VAMP7: variants seen among roughly 807,000 people sequenced by gnomAD.
VAMP7 encodes vesicle-associated membrane protein 7.
Under a neutral mutation model 29.6 loss-of-function variants are expected in VAMP7, and 14 were observed. That is an observed-to-expected ratio of 0.47 (90% CI 0.31 to 0.74). The LOEUF (loss-of-function observed/expected upper bound fraction) is 0.74. Among genes scored for constraint, VAMP7 ranks in the 30% least tolerant of loss-of-function variants. The pLI, the probability that VAMP7 is intolerant of heterozygous loss-of-function variation, is 0.05. For missense variants in VAMP7, 223 were observed against 262.4 expected, an observed-to-expected ratio of 0.85 and a Z score of 1.04; for synonymous variants, 95 against 88.1, an observed-to-expected ratio of 1.08 and a Z score of -0.44.
chrX:155,922,044 T>C (rs1175430965), intron 6 of VAMP7, among the ~76,000 whole-genome samples: 2 of 152,094 alleles, frequency 1.3e-5, no homozygotes, highest in Admixed American at 6.5e-5. Flanking sequence ...AAATTTACCC[T>C]TGAGAATATC....
chrX:155,925,918 AG>A (rs2066460705), intron 6 of VAMP7, among the ~76,000 whole-genome samples: 1 of 152,142 alleles, frequency 6.6e-6, no homozygotes, highest in African/African-American at 2.4e-5. Flanking sequence ...TCTCCTCGTA[AG>A]TCTCCATCAG....
intron 2 of VAMP7, among the ~76,000 whole-genome samples, chrX:155,895,272 A>G (rs1221216572): frequency 2.0e-5 from 3 of 152,118 alleles, no homozygotes; most frequent in African/African-American, 7.2e-5. Flanking sequence ...AGCAAAGAAA[A>G]CCATATGGCC....
At position 155,940,583 on chromosome X, in the gene VAMP7, CA is replaced by C. The variant is rs775898726; in HGVS notation, c.594+791del. 1.7e-3 allele frequency among the ~76,000 whole-genome samples: 262 copies of C among 152,270 alleles called. 2 individuals are homozygous for C. The highest frequency in any genetic ancestry group is 6.1e-3 in the African/African-American group (255 of 41,554). On this transcript the variant is annotated intron_variant, in intron 7 of 7. Coordinates refer to ENST00000286448, the MANE Select transcript of VAMP7 (RefSeq NM_005638.6). ...GTCTGGGAGTTTAGGTTGATTTGTG[CA>C]GCTGAATTGTTAAATTCAGAATATA...
Position 155,935,973 on chromosome X carries a change from C to T in VAMP7, c.502-3728C>T, listed in dbSNP as rs776007093. 2.6e-5 allele frequency among the ~76,000 whole-genome samples: 4 copies of T among 152,162 alleles called. No homozygotes were observed. The East Asian group carries it at 7.7e-4, about 29-fold the overall frequency. On this transcript the variant is annotated intron_variant, in intron 6 of 7. Transcript: ENST00000286448. ...AGTTTGTCGGAGGGCCACTCCAGACCCTGTTTGCCTGGGTATCAGCAGCGG... is the reference window on the plus strand; with the variant it reads ...AGTTTGTCGGAGGGCCACTCCAGACTCTGTTTGCCTGGGTATCAGCAGCGG...
At chrX:155,930,912 C>G (rs754255641) in intron 6 of VAMP7, among the ~76,000 whole-genome samples, 2 of 152,052 alleles carry the variant, frequency 1.3e-5, no homozygotes, top group African/African-American at 4.8e-5. Context: ...TTCCTGTGTC[C>G]AGGTGTTCTC....
rs2066776349 is a variant in VAMP7 at position 155,943,440 on chromosome X, AG to A, written c.*1490del. ...ACTTGAACTCTTTTCTTGTTTATCTAGCATAGCACAAACGTTTTTCCAGTCT... is the reference window on the plus strand; with the variant it reads ...ACTTGAACTCTTTTCTTGTTTATCTACATAGCACAAACGTTTTTCCAGTCT... On this transcript the variant is annotated 3_prime_UTR_variant, in exon 8 of 8. Coordinates refer to ENST00000286448, the MANE Select transcript of VAMP7 (RefSeq NM_005638.6). 1 of 152,436 alleles carries A rather than the reference AG, an allele frequency of 6.6e-6. No homozygotes were observed. Among genetic ancestry groups the A allele is most frequent in the African/African-American group, 2.4e-5 (1 of 41,382 alleles). The allele number at this position is 152,436 out of a possible 1,614,324, so 9.4% of individuals were successfully genotyped here.
At position 155,907,277 on chromosome X, in the gene VAMP7, TTTA is replaced by T. The variant is rs768101981; in HGVS notation, c.433+6696_433+6698del. Among the ~76,000 whole-genome samples, 744 of 152,010 alleles carry T rather than the reference TTTA, an allele frequency of 4.9e-3. 6 individuals carry two copies. The highest frequency in any genetic ancestry group is 0.015 in the African/African-American group (640 of 41,522). The stretch of plus-strand genomic sequence containing the variant: ...CATTTTCTTTTATTTATTTATTTAT[TTTA>T]TTATTTTTTTTTATTGATCATTCTT... On this transcript the variant is annotated intron_variant, in intron 5 of 7. Transcript: ENST00000286448.
rs1448474491 is a variant in VAMP7 at position 155,943,758 on chromosome X, G to A, written c.*1807G>A. On this transcript the variant is annotated 3_prime_UTR_variant, in exon 8 of 8. Coordinates refer to ENST00000286448, the MANE Select transcript of VAMP7 (RefSeq NM_005638.6). ...CTGAAGATGTTAATAAAATTTAAGA[G>A]TAATACAATGATTTGCTTGTTTTAG... The A allele has an allele frequency of 1.3e-5, 2 of 152,088 alleles. No homozygotes were observed. The highest frequency in any genetic ancestry group is 2.9e-5 in the Non-Finnish European group (2 of 68,022). 9.4% of individuals were successfully genotyped at this position (152,088 alleles called of 1,614,324 possible).
chrX:155,884,625 G>T (rs891004717), intron 1 of VAMP7, among the ~76,000 whole-genome samples: 1 of 152,176 alleles, frequency 6.6e-6, no homozygotes, highest in Non-Finnish European at 1.5e-5. Context: ...GTTATTTTAG[G>T]TGATTTATTG....
chrX:155,897,730 A>G (rs1602929136), intron 3 of VAMP7, among the ~76,000 whole-genome samples: 1 of 152,086 alleles, frequency 6.6e-6, no homozygotes, highest in Non-Finnish European at 1.5e-5. Context: ...TGTGTGAAAG[A>G]CTCTATGATT....
Position 155,889,449 on chromosome X carries a change from T to C in VAMP7, c.-9-9T>C. ...ATATTCTAAATCTGTGTCTTTTTCC[T>C]TTTGATAGACTGAAGCCATGGCGAT... is the stretch of plus-strand genomic sequence containing the variant. On this transcript the variant is annotated splice_polypyrimidine_tract_variant and intron_variant, in intron 1 of 7. Coordinates refer to ENST00000286448, the MANE Select transcript of VAMP7 (RefSeq NM_005638.6). 2.5e-6 allele frequency: 4 copies of C among 1,610,266 alleles called. No individual in the cohort carries two copies. Among genetic ancestry groups the C allele is most frequent in the Non-Finnish European group, 3.4e-6 (4 of 1,178,480 alleles).
At chrX:155,919,767 T>C (rs752567924) in intron 5 of VAMP7, 46 bp from the exon 6 acceptor site, 52 of 1,530,792 alleles carry the variant, frequency 3.4e-5, no homozygotes, top group Non-Finnish European at 4.6e-5. Flanking sequence ...TTTATTTTAT[T>C]CTACAATGGA....
intron 5 of VAMP7, 51 bp downstream of exon 5, chrX:155,900,638 A>T: frequency 1.3e-6 from 2 of 1,489,564 alleles, no homozygotes; most frequent in Non-Finnish European, 1.8e-6. Flanking sequence ...GATAAAGATT[A>T]CTTGACTGGG....
At chrX:155,912,699 T>C (rs1186603632) in intron 5 of VAMP7, among the ~76,000 whole-genome samples, 1 of 152,182 alleles carries the variant, frequency 6.6e-6, no homozygotes, top group Non-Finnish European at 1.5e-5. Context: ...CTCCTCCTTT[T>C]TTATGGCTGC....
At chrX:155,882,539 A>T (rs1272147929) in intron 1 of VAMP7, among the ~76,000 whole-genome samples, 1 of 152,168 alleles carries the variant, frequency 6.6e-6, no homozygotes. Flanking sequence ...AGCAGTGTTT[A>T]TTCTTCATTC....
intron 5 of VAMP7, among the ~76,000 whole-genome samples, chrX:155,918,370 G>T (rs2066343715): frequency 6.6e-6 from 1 of 152,052 alleles, no homozygotes; most frequent in South Asian, 2.1e-4. Flanking sequence ...AAAAACTCCT[G>T]CAGCTAGCTC....
chrX:155,942,094 T>G lies in VAMP7; in HGVS notation c.*143T>G. 6.4e-7 allele frequency: 1 copy of G among 1,557,284 alleles called. No individual in the cohort carries two copies. Among genetic ancestry groups the G allele is most frequent in the Non-Finnish European group, 8.7e-7 (1 of 1,149,652 alleles). On this transcript the variant is annotated 3_prime_UTR_variant, in exon 8 of 8. Transcript: ENST00000286448. ...TCTCACTTTTTAAAATCTTGTTCCATGCCTCCAGGTTTATCTTTGTCTTAT... is the reference window on the plus strand; with the variant it reads ...TCTCACTTTTTAAAATCTTGTTCCAGGCCTCCAGGTTTATCTTTGTCTTAT...
rs2066591446 is a variant in VAMP7 at position 155,933,210 on chromosome X, G to C, written c.502-6491G>C. Among the ~76,000 whole-genome samples, 4 of 152,210 alleles carry C rather than the reference G, an allele frequency of 2.6e-5. No homozygotes were observed. The South Asian group carries it at 8.3e-4, about 32-fold the overall frequency. On this transcript the variant is annotated intron_variant, in intron 6 of 7. Coordinates refer to ENST00000286448, the MANE Select transcript of VAMP7 (RefSeq NM_005638.6). The stretch of plus-strand genomic sequence containing the variant: ...CAGGCTTAGGTATCAGGATGATGCT[G>C]GCCTCATAAAATGAGTTAGGGAGGA...
At position 155,933,384 on chromosome X, in the gene VAMP7, T is replaced by C. The variant is rs768827302; in HGVS notation, c.502-6317T>C. Among the ~76,000 whole-genome samples, 1,353 of 152,292 alleles carry C rather than the reference T, an allele frequency of 8.9e-3. 28 individuals carry two copies. Among genetic ancestry groups the C allele is most frequent in the African/African-American group, 0.031 (1,290 of 41,560 alleles). ...TAATTATTGCCTCAATTTCAGAGCC[T>C]GTTATTGGTCTATTCAGAGATTCAA... On this transcript the variant is annotated intron_variant, in intron 6 of 7. Coordinates refer to ENST00000286448, the MANE Select transcript of VAMP7 (RefSeq NM_005638.6).
Sources: allele counts gnomAD v4.1 joint callset (sites outside exome capture counted in the v4.1 genomes callset), GRCh38; gene constraint gnomAD v4.1.1; transcripts MANE v1.5; gene names NCBI Gene and HGNC (gene_info 2026-07-23, HGNC 2026-07-21).